MCTP2: variants seen among roughly 807,000 people sequenced by gnomAD.
The protein encoded by MCTP2 is multiple C2 and transmembrane domain containing 2.
In MCTP2, 132 loss-of-function variants were observed where a neutral mutation model predicts 111.6. That is an observed-to-expected ratio of 1.18 (90% confidence interval 1.03 to 1.37). The LOEUF (loss-of-function observed/expected upper bound fraction) is 1.37, where lower values mean the gene tolerates loss of function less well. Among genes scored for constraint, MCTP2 ranks in the 40% most tolerant of loss-of-function variants. MCTP2 has a pLI of 0.00. For missense variants in MCTP2, 1,183 were observed against 1,067.9 expected (o/e 1.11, Z -1.50); for synonymous variants, 395 against 387.7 (o/e 1.02, Z -0.22).
chr15:94,470,553 T>C, intron 21 of MCTP2, 111 bp downstream of exon 21: 1 of 860,050 alleles, frequency 1.2e-6, no homozygotes, highest in Non-Finnish European at 1.9e-6. Flanking sequence ...CAATTAAACA[T>C]GAGATTAAGG....
At chr15:94,454,193 A>T (rs2152522833) in intron 19 of MCTP2, among the ~76,000 whole-genome samples, 1 of 152,356 alleles carries the variant, frequency 6.6e-6, no homozygotes, top group African/African-American at 2.4e-5. Context: ...GCCACTATAA[A>T]TTTAAACATT....
chr15:94,321,385 A>G (rs1392666009), intron 4 of MCTP2, among the ~76,000 whole-genome samples: 2 of 152,248 alleles, frequency 1.3e-5, no homozygotes, highest in East Asian at 3.8e-4. Flanking sequence ...CATTGTATGC[A>G]TGTATCAAAA....
intron 2 of MCTP2, among the ~76,000 whole-genome samples, chr15:94,308,121 G>T (rs1445166988): frequency 6.6e-6 from 1 of 152,174 alleles, no homozygotes; most frequent in East Asian, 1.9e-4. Flanking sequence ...GTGTCTGTCT[G>T]AGAAAAGGCT....
At chr15:94,333,962 T>G (rs1011959482) in intron 4 of MCTP2, among the ~76,000 whole-genome samples, 28 of 152,196 alleles carry the variant, frequency 1.8e-4, no homozygotes, top group African/African-American at 6.0e-4. Context: ...GACGATGATA[T>G]AAATTTCACA....
chr15:94,392,344 C>A (rs2081031913), intron 14 of MCTP2, among the ~76,000 whole-genome samples: 2 of 151,172 alleles, frequency 1.3e-5, no homozygotes, highest in Non-Finnish European at 2.9e-5. Flanking sequence ...TGCACTCCAG[C>A]CTGTGTGACC....
intron 10 of MCTP2, among the ~76,000 whole-genome samples, chr15:94,362,956 G>GA (rs949269261): frequency 2.0e-5 from 3 of 151,788 alleles, no homozygotes; most frequent in South Asian, 2.1e-4. Flanking sequence ...GCAGGAAAGG[G>GA]AAAAAAAAGT....
chr15:94,349,406 G>A (rs554978829), intron 8 of MCTP2, among the ~76,000 whole-genome samples: 30 of 152,230 alleles, frequency 2.0e-4, no homozygotes, highest in Admixed American at 1.6e-3. Context: ...TTGGATACAG[G>A]GTGAATTAGA....
intron 21 of MCTP2, among the ~76,000 whole-genome samples, chr15:94,471,713 G>C (rs533040286): frequency 1.3e-4 from 19 of 145,098 alleles, no homozygotes; most frequent in Non-Finnish European, 2.1e-4. Context: ...GTCCTTAAGA[G>C]AGAACATAGA....
At chr15:94,458,505 C>A (rs1326231055) in intron 20 of MCTP2, among the ~76,000 whole-genome samples, 3 of 152,108 alleles carry the variant, frequency 2.0e-5, no homozygotes, top group Non-Finnish European at 2.9e-5. Context: ...CCCTTTCACT[C>A]AAAAATATAT....
At chr15:94,474,991 T>C (rs1447715182) in intron 21 of MCTP2, among the ~76,000 whole-genome samples, 1 of 152,178 alleles carries the variant, frequency 6.6e-6, no homozygotes, top group Non-Finnish European at 1.5e-5. Context: ...TCAGCTGTGA[T>C]ATTATCCCTG....
intron 1 of MCTP2, among the ~76,000 whole-genome samples, chr15:94,250,061 C>A (rs1330911118): frequency 6.6e-6 from 1 of 151,078 alleles, no homozygotes; most frequent in African/African-American, 2.4e-5. Flanking sequence ...TTTTTTTCCC[C>A]AACTTAAGCC....
chr15:94,399,095 C>T (rs780275596), intron 15 of MCTP2, 33 bp downstream of exon 15: 3 of 1,106,996 alleles, frequency 2.7e-6, no homozygotes, highest in African/African-American at 3.1e-5. Flanking sequence ...TCCCGGCTTT[C>T]CCGTACCTAA....
At chr15:94,358,412 T>C in intron 9 of MCTP2, 70 bp from the exon 10 acceptor site, 1 of 1,416,508 alleles carries the variant, frequency 7.1e-7, no homozygotes, top group African/African-American at 1.4e-5. Flanking sequence ...AATGATGAAA[T>C]TAATGTGTAG....
chr15:94,242,906 TATA>T (rs1436219945), intron 1 of MCTP2, among the ~76,000 whole-genome samples: 1 of 147,898 alleles, frequency 6.8e-6, no homozygotes, highest in Non-Finnish European at 1.5e-5. Flanking sequence ...TATATATATG[TATA>T]CACATATACA....
chr15:94,394,589 C>A lies in MCTP2; in HGVS notation c.1789-4372C>A, dbSNP rs375417801. Among the ~76,000 whole-genome samples, 17 of 151,962 alleles carry A rather than the reference C, an allele frequency of 1.1e-4. No homozygotes were observed. The East Asian group carries it at 2.7e-3, about 24-fold the overall frequency. ...GACCATCCTGGCTAACATGGTGAAA[C>A]CCTGTTTCTACTAAAAATACAAAAA... On this transcript the variant is annotated intron_variant, in intron 14 of 22. Transcript: ENST00000357742.
intron 4 of MCTP2, among the ~76,000 whole-genome samples, chr15:94,334,631 G>T (rs2077271298): frequency 6.6e-6 from 1 of 152,150 alleles, no homozygotes; most frequent in Non-Finnish European, 1.5e-5. Flanking sequence ...TAAATCTTGG[G>T]CTCTAGCAAT....
At chr15:94,234,395 C>T (rs2070397584) in intron 1 of MCTP2, among the ~76,000 whole-genome samples, 1 of 147,798 alleles carries the variant, frequency 6.8e-6, no homozygotes, top group South Asian at 2.2e-4. Context: ...ACCAGAAATG[C>T]TTACAAAAAC....
At chr15:94,452,375 T>C (rs1248777812) in intron 19 of MCTP2, among the ~76,000 whole-genome samples, 3 of 152,190 alleles carry the variant, frequency 2.0e-5, no homozygotes, top group Admixed American at 2.0e-4. Flanking sequence ...ACAAAGACCG[T>C]AGTCAGCATA....
intron 1 of MCTP2, among the ~76,000 whole-genome samples, chr15:94,275,189 A>C (rs544823004): frequency 1.3e-5 from 2 of 152,238 alleles, no homozygotes; most frequent in Non-Finnish European, 2.9e-5. Flanking sequence ...GAAAGTCTAC[A>C]GAAAACATAA....
Sources: gnomAD v4.1 joint callset for allele counts (sites outside exome capture counted in the v4.1 genomes callset) on GRCh38, gnomAD v4.1.1 for gene constraint, MANE v1.5 for transcripts, NCBI Gene and HGNC (gene_info 2026-07-23, HGNC 2026-07-21) for gene names.